The following ACSL1 variants were observed in gnomAD, a reference collection of about 807,000 sequenced individuals.
The protein encoded by ACSL1 is acyl-CoA synthetase long chain family member 1, also known as long-chain-fatty-acid--CoA ligase 1.
Under a neutral mutation model 98.4 loss-of-function variants are expected in ACSL1, and 41 were observed. The ratio of observed to expected loss-of-function variants is 0.42; its 90% CI spans 0.32 to 0.54. The LOEUF is 0.54. Among genes scored for constraint, ACSL1 ranks in the 20% least tolerant of loss-of-function variants. The probability of loss-of-function intolerance (pLI) is 0.13; values close to 1 mark genes in which losing one functional copy is unlikely to be tolerated. For missense variants in ACSL1, 734 were observed against 883.1 expected (o/e 0.83, Z 2.14); for synonymous variants, 316 against 322.7 (o/e 0.98, Z 0.22).
At chr4:184,768,216 C>T in intron 12 of ACSL1, 100 bp downstream of exon 12, 1 of 1,287,872 alleles carries the variant, frequency 7.8e-7, no homozygotes, top group Non-Finnish European at 1.1e-6. Context: ...GGAGGATTGT[C>T]CAGGGTCATA....
chr4:184,783,152 T>C (rs1254951494), intron 4 of ACSL1, among the ~76,000 whole-genome samples: 1 of 152,164 alleles, frequency 6.6e-6, no homozygotes, highest in African/African-American at 2.4e-5. Flanking sequence ...GGAAGAGCTG[T>C]GGCACCCACA....
chr4:184,820,761 C>A (rs945576945), intron 1 of ACSL1, among the ~76,000 whole-genome samples: 2 of 152,122 alleles, frequency 1.3e-5, no homozygotes, highest in East Asian at 3.9e-4. Context: ...CGTACCACCA[C>A]GCCCAGTTAA....
chr4:184,812,272 G>C, intron 1 of ACSL1: 1 of 975,510 alleles, frequency 1.0e-6, no homozygotes, highest in Non-Finnish European at 1.2e-6. Context: ...GCCAAGGACA[G>C]GTGCTTAACA....
intron 5 of ACSL1, 135 bp from the exon 6 acceptor site, chr4:184,777,118 T>G (rs1196009705): frequency 4.1e-6 from 3 of 732,154 alleles, no homozygotes; most frequent in Non-Finnish European, 6.9e-6. Flanking sequence ...GCTACTACTC[T>G]GTGCCAGGTG....
rs994037147 is a variant in ACSL1, at chr4:184,803,231, G to T, written c.195+89C>A. The T allele has an allele frequency of 3.3e-6, 4 of 1,221,230 alleles. No homozygotes were observed. Among genetic ancestry groups the T allele is most frequent in the Admixed American group, 6.4e-5 (2 of 31,436 alleles). 75.6% of individuals were successfully genotyped at this position (1,221,230 alleles called of 1,614,324 possible). On this transcript the variant is annotated intron_variant, in intron 2 of 20. Transcript: ENST00000281455. This position sits in a 1 kb window ranked among gnomAD's most constrained non-coding sequence, Gnocchi z 4.8. Reference sequence around the variant, plus strand: ...AAAGTGCAGTTATAAACAAATATTTGATCTTGATGGCTATCACATTCAACA... The same window carrying T: ...AAAGTGCAGTTATAAACAAATATTTTATCTTGATGGCTATCACATTCAACA...
rs915761456 is a variant in ACSL1, at chr4:184,785,610, G to C, written c.311-1619C>G. On this transcript the variant is annotated intron_variant, in intron 3 of 20. Coordinates refer to ENST00000281455, the MANE Select transcript of ACSL1 (RefSeq NM_001995.5). ...AAAGATCCTCCTGGGCGGGGGCGGG[G>C]GGGGGGGGGGGAAGGAAGCAAATCG... 7.0e-4 allele frequency among the ~76,000 whole-genome samples: 15 copies of C among 21,572 alleles called. 2 individuals carry two copies. The East Asian group carries it at 0.012, about 17-fold the overall frequency. 14.2% of individuals were successfully genotyped at this position (21,572 alleles called of 152,430 possible).
chr4:184,792,664 C>G (rs1768602390), intron 2 of ACSL1, among the ~76,000 whole-genome samples: 1 of 152,184 alleles, frequency 6.6e-6, no homozygotes, highest in African/African-American at 2.4e-5. Context: ...GTCTCAAACT[C>G]CTGGGCTCAA....
chr4:184,804,016 ACAGATCT>A (rs746898317), intron 1 of ACSL1, among the ~76,000 whole-genome samples: 58 of 152,226 alleles, frequency 3.8e-4, no homozygotes, highest in Non-Finnish European at 6.3e-4. Flanking sequence ...ATTTCTTCCA[ACAGATCT>A]CAGAACAAGT....
chr4:184,784,044 G>A, intron 3 of ACSL1, 53 bp from the exon 4 acceptor site: 1 of 1,466,020 alleles, frequency 6.8e-7, no homozygotes, highest in Non-Finnish European at 9.5e-7. Context: ...AATATTCCTA[G>A]ATTTTAATTT....
chr4:184,811,093 C>T lies in ACSL1; in HGVS notation c.-32-7547G>A, dbSNP rs879830202. Reference sequence around the variant, plus strand: ...AGGTGACACTGACAATGACAAGCCACGATGCACAATGCTTTTTTTTTGTTT... The same window carrying T: ...AGGTGACACTGACAATGACAAGCCATGATGCACAATGCTTTTTTTTTGTTT... On this transcript the variant is annotated intron_variant, in intron 1 of 20. Transcript: ENST00000281455. 4.6e-5 allele frequency among the ~76,000 whole-genome samples: 7 copies of T among 152,116 alleles called. No individual in the cohort carries two copies. In the East Asian group the frequency reaches 5.8e-4, roughly 13 times the overall value.
At chr4:184,761,718 C>A (rs1196776176) in intron 17 of ACSL1, among the ~76,000 whole-genome samples, 4 of 152,212 alleles carry the variant, frequency 2.6e-5, no homozygotes, top group Non-Finnish European at 1.5e-5. Context: ...CCACAACTTC[C>A]CCCAGATCTT....
chr4:184,770,854 T>C (rs1016627170), intron 10 of ACSL1, among the ~76,000 whole-genome samples: 1 of 152,224 alleles, frequency 6.6e-6, no homozygotes, highest in African/African-American at 2.4e-5. Context: ...AGGGGCATGG[T>C]GGCTCACGCC....
rs1288169397 is a variant in ACSL1 at position 184,756,215 on chromosome 4, C to T, written c.*910G>A. 2.0e-5 allele frequency: 3 copies of T among 152,564 alleles called. No homozygotes were observed. The highest frequency in any genetic ancestry group is 6.5e-5 in the Admixed American group (1 of 15,274). 9.5% of individuals were successfully genotyped at this position (152,564 alleles called of 1,614,324 possible). Reference sequence around the variant, plus strand: ...GAAAACCACATTAAAAATCTGTTGGCCTTTACACAGAGTGAGTGGTTCAGT... The same window carrying T: ...GAAAACCACATTAAAAATCTGTTGGTCTTTACACAGAGTGAGTGGTTCAGT... On this transcript the variant is annotated 3_prime_UTR_variant, in exon 21 of 21. Transcript: ENST00000281455.
rs779977377 is a variant in ACSL1, at chr4:184,766,676, G to A, written c.1209C>T (p.Ser403=). The change falls in exon 13 of 21, where the codon AGC becomes AGT. Residue 403 remains serine, a synonymous_variant. Transcript: ENST00000281455. This position sits in a 1 kb window ranked among gnomAD's most constrained non-coding sequence, Gnocchi z 4.8. ...ASKRKEAELR[S]GIIRNNSLWD... ...ACAGGCTGTTGTTTCTGATGATGCC[G>A]CTGCGAAGCTCTGCTTCTTTCCTCT... 2.0e-5 allele frequency: 32 copies of A among 1,614,028 alleles called. No homozygotes were observed. Among genetic ancestry groups the A allele is most frequent in the South Asian group, 1.4e-4 (13 of 91,086 alleles).
At chr4:184,805,492 G>C (rs1186675586) in intron 1 of ACSL1, 3 of 985,348 alleles carry the variant, frequency 3.0e-6, no homozygotes, top group African/African-American at 1.7e-5. Context: ...CATGGTTCTG[G>C]AAAGAAGGCA....
chr4:184,768,204 T>G (rs775887454), intron 12 of ACSL1, 112 bp downstream of exon 12: 208 of 1,147,840 alleles, frequency 1.8e-4, no homozygotes, highest in Non-Finnish European at 2.3e-4. Flanking sequence ...TCTGTAAGAT[T>G]GGGAGGATTG....
chr4:184,819,287 C>T (rs553036297), intron 1 of ACSL1, among the ~76,000 whole-genome samples: 16 of 151,924 alleles, frequency 1.1e-4, no homozygotes, highest in African/African-American at 2.9e-4. Flanking sequence ...GGATTACAGG[C>T]GCCTGCCACC....
chr4:184,825,256 A>G lies in ACSL1; in HGVS notation c.-33+660T>C. Reference sequence around the variant, plus strand: ...CTCCGTCTACGCTGCCAGGTGACAGACATCATCTTTGCTTCTCAATTTCAA... The same window carrying G: ...CTCCGTCTACGCTGCCAGGTGACAGGCATCATCTTTGCTTCTCAATTTCAA... On this transcript the variant is annotated intron_variant, in intron 1 of 20. Transcript: ENST00000281455. The surrounding 1 kb of genome is among the most constrained non-coding windows in gnomAD (Gnocchi z 4.7). The G allele has an allele frequency of 1.0e-6, 1 of 985,378 alleles. No homozygotes were observed. Among genetic ancestry groups the G allele is most frequent in the Non-Finnish European group, 1.2e-6 (1 of 829,902 alleles). 61.0% of individuals were successfully genotyped at this position (985,378 alleles called of 1,614,324 possible). A position where few individuals can be genotyped will look rare whatever the true frequency, so the allele number is the denominator to read the frequency against.
At chr4:184,775,494 C>A (rs1168179811) in intron 7 of ACSL1, among the ~76,000 whole-genome samples, 1 of 152,072 alleles carries the variant, frequency 6.6e-6, no homozygotes. Context: ...TGGGGAAACA[C>A]TAGGTAAGAA....
Sources: allele counts gnomAD v4.1 joint callset (sites outside exome capture counted in the v4.1 genomes callset), GRCh38; gene constraint gnomAD v4.1.1; non-coding constraint Gnocchi (gnomAD v3.1); transcripts MANE v1.5; gene names NCBI Gene and HGNC (gene_info 2026-07-23, HGNC 2026-07-21).